Variants in ICA1L observed in about 807,000 individuals in gnomAD.
The protein encoded by ICA1L is islet cell autoantigen 1-like protein.
In ICA1L, 50 loss-of-function variants were observed where a neutral mutation model predicts 61.3. The observed-to-expected ratio is 0.82, with a 90% CI of 0.65 to 1.03. ICA1L has a LOEUF of 1.03. Among genes scored for constraint, ICA1L ranks in the 50% least tolerant of loss-of-function variants. ICA1L has a pLI of 0.00. For synonymous variants in ICA1L, 161 were observed against 191.3 expected, an observed-to-expected ratio of 0.84 and a Z score of 1.31; for missense variants, 508 against 556.7, an observed-to-expected ratio of 0.91 and a Z score of 0.88.
Position 202,815,971 on chromosome 2 carries a change from C to A in ICA1L, c.723G>T (p.Met241Ile), listed in dbSNP as rs1163420997. Reference sequence around the variant, plus strand: ...TACAGGCTTCATGAATTTGGGACATCATTCGAGCTGTTTTCTTCCAGAATC... The same window carrying A: ...TACAGGCTTCATGAATTTGGGACATAATTCGAGCTGTTTTCTTCCAGAATC... ...LLGFWKKTARMMSQIHEACIG... is the reference protein window; with the variant it reads ...LLGFWKKTARIMSQIHEACIG... The change falls in exon 7 of 13, where the codon ATG becomes ATT. Residue 241 changes from methionine (M) to isoleucine (I), a missense_variant. By Grantham distance (10) the Met-to-Ile change is conservative. Transcript: ENST00000358299. 6.2e-7 allele frequency: 1 copy of A among 1,604,832 alleles called. No individual in the cohort carries two copies. Among genetic ancestry groups the A allele is most frequent in the Admixed American group, 1.7e-5 (1 of 58,478 alleles).
chr2:202,845,515 T>C (rs1694442667), intron 1 of ICA1L, among the ~76,000 whole-genome samples: 1 of 151,540 alleles, frequency 6.6e-6, no homozygotes, highest in South Asian at 2.1e-4. Flanking sequence ...TAATCCCAGC[T>C]ACTTGGGAGG....
At chr2:202,831,803 T>A (rs1694020754) in intron 1 of ICA1L, among the ~76,000 whole-genome samples, 1 of 152,236 alleles carries the variant, frequency 6.6e-6, no homozygotes, top group Non-Finnish European at 1.5e-5. Flanking sequence ...GTGGTTTTTA[T>A]GACCAAGGGC....
chr2:202,790,842 CAGAA>C (rs913146597), intron 10 of ICA1L, among the ~76,000 whole-genome samples: 19 of 152,172 alleles, frequency 1.2e-4, no homozygotes, highest in African/African-American at 4.3e-4. Flanking sequence ...GGATGACACT[CAGAA>C]AGAAGTATGC....
chr2:202,818,184 C>T (rs1693592511), intron 5 of ICA1L, among the ~76,000 whole-genome samples: 1 of 152,090 alleles, frequency 6.6e-6, no homozygotes. Context: ...TATATAGTTG[C>T]AAAGGTAGCA....
At chr2:202,799,216 T>C (rs1693024594) in intron 9 of ICA1L, among the ~76,000 whole-genome samples, 2 of 152,216 alleles carry the variant, frequency 1.3e-5, no homozygotes, top group South Asian at 4.1e-4. Flanking sequence ...ATAGTGGCTA[T>C]ACTAGTTTAC....
chr2:202,850,147 G>A (rs745483012), intron 1 of ICA1L, among the ~76,000 whole-genome samples: 1 of 152,158 alleles, frequency 6.6e-6, no homozygotes, highest in Non-Finnish European at 1.5e-5. Context: ...AGGTCATCAA[G>A]CCTCAAAGAT....
In ICA1L at chr2:202,775,869, T is replaced by C. The variant is rs1249932789; in HGVS notation, c.*3664A>G. 6.6e-6 allele frequency: 1 copy of C among 152,198 alleles called. No individual in the cohort carries two copies. Among genetic ancestry groups the C allele is most frequent in the Admixed American group, 6.6e-5 (1 of 15,266 alleles). The allele number at this position is 152,198 out of a possible 1,614,324, so 9.4% of individuals were successfully genotyped here. ...TTATTTTCGTTCTCCCATGTCCGTA[T>C]CAACTCAATGTACTTTCCTAATACT... On this transcript the variant is annotated 3_prime_UTR_variant, in exon 13 of 13. Transcript: ENST00000358299.
intron 10 of ICA1L, among the ~76,000 whole-genome samples, chr2:202,790,283 C>T (rs1276120120): frequency 1.3e-5 from 2 of 152,136 alleles, no homozygotes; most frequent in Admixed American, 1.3e-4. Flanking sequence ...CATCACGGAC[C>T]TGCACCCCAG....
At chr2:202,869,350 C>G (rs1444388904) in intron 1 of ICA1L, among the ~76,000 whole-genome samples, 1 of 152,040 alleles carries the variant, frequency 6.6e-6, no homozygotes, top group Non-Finnish European at 1.5e-5. Flanking sequence ...GAGCGAGACT[C>G]TGTCTCAAAA....
chr2:202,815,970 T>C lies in ICA1L; in HGVS notation c.724A>G (p.Met242Val). The change falls in exon 7 of 13, where the codon ATG becomes GTG. Residue 242 changes from methionine (M) to valine (V), a missense_variant. By Grantham distance (21) the Met-to-Val change is conservative. Transcript: ENST00000358299. ...ATACAGGCTTCATGAATTTGGGACA[T>C]CATTCGAGCTGTTTTCTTCCAGAAT... ...LGFWKKTARM[M>V]SQIHEACIGF... The C allele has an allele frequency of 6.2e-7, 1 of 1,605,066 alleles. No individual in the cohort carries two copies.
At position 202,773,576 on chromosome 2, in the gene ICA1L, C is replaced by A; in HGVS notation, c.*5957G>T. On this transcript the variant is annotated 3_prime_UTR_variant, in exon 13 of 13. Coordinates refer to ENST00000358299, the MANE Select transcript of ICA1L (RefSeq NM_001288622.3). Reference sequence around the variant, plus strand: ...AAGAGTACAATAAAAGAAGCGTCTGCAACTTAAGCCGTCCACAGTCCTAAG... The same window carrying A: ...AAGAGTACAATAAAAGAAGCGTCTGAAACTTAAGCCGTCCACAGTCCTAAG... 1 of 460,652 alleles carries A rather than the reference C, an allele frequency of 2.2e-6. No homozygotes were observed. The allele number at this position is 460,652 out of a possible 1,614,324, so 28.5% of individuals were successfully genotyped here.
At chr2:202,821,985 A>G (rs1693716563) in intron 3 of ICA1L, among the ~76,000 whole-genome samples, 1 of 152,150 alleles carries the variant, frequency 6.6e-6, no homozygotes, top group African/African-American at 2.4e-5. Flanking sequence ...GTGCACTGCT[A>G]TTCAAAGTGT....
At chr2:202,814,997 A>G (rs1693492619) in intron 7 of ICA1L, among the ~76,000 whole-genome samples, 1 of 152,252 alleles carries the variant, frequency 6.6e-6, no homozygotes, top group African/African-American at 2.4e-5. Context: ...CAAACTGCAC[A>G]TATTGTGATG....
intron 1 of ICA1L, among the ~76,000 whole-genome samples, chr2:202,857,872 CTCA>C (rs1694809017): frequency 6.6e-6 from 1 of 152,146 alleles, no homozygotes; most frequent in African/African-American, 2.4e-5. Context: ...GGAAAAAAAA[CTCA>C]TCATCACTGG....
intron 1 of ICA1L, among the ~76,000 whole-genome samples, chr2:202,868,898 G>A (rs1282012829): frequency 6.6e-6 from 1 of 152,064 alleles, no homozygotes; most frequent in African/African-American, 2.4e-5. Flanking sequence ...AACCCAGGAG[G>A]CAGAGGTTGC....
At chr2:202,829,111 G>A (rs1693937738) in intron 1 of ICA1L, 95 bp from the exon 2 acceptor site, 2 of 989,460 alleles carry the variant, frequency 2.0e-6, no homozygotes, top group Non-Finnish European at 2.9e-6. Context: ...AACTTTGGGA[G>A]GCTGAGGCGA....
intron 1 of ICA1L, among the ~76,000 whole-genome samples, chr2:202,861,391 G>A (rs1278081969): frequency 9.2e-5 from 7 of 76,052 alleles, no homozygotes; most frequent in African/African-American, 1.6e-4. Flanking sequence ...GGTACACGGC[G>A]AGACTATCTC....
intron 9 of ICA1L, among the ~76,000 whole-genome samples, chr2:202,808,984 TA>T (rs1388305430): frequency 1.3e-5 from 2 of 151,986 alleles, no homozygotes; most frequent in Non-Finnish European, 2.9e-5. Flanking sequence ...GCCCAGACAT[TA>T]ACAAACATCC....
At position 202,779,144 on chromosome 2, in the gene ICA1L, AT is replaced by A. The variant is rs142725567; in HGVS notation, c.*388del. 0.027 allele frequency: 4,320 copies of A among 160,510 alleles called. 206 individuals are homozygous for A. The highest frequency in any genetic ancestry group is 0.096 in the African/African-American group (4,013 of 41,860). 9.9% of individuals were successfully genotyped at this position (160,510 alleles called of 1,614,324 possible). On this transcript the variant is annotated 3_prime_UTR_variant, in exon 13 of 13. Coordinates refer to ENST00000358299, the MANE Select transcript of ICA1L (RefSeq NM_001288622.3). ...TACATGCTATCTATCTATCTTTGTT[AT>A]CCACATATAAAATTCTCACAGCCAG...
Sources: allele counts gnomAD v4.1 joint callset (sites outside exome capture counted in the v4.1 genomes callset), GRCh38; gene constraint gnomAD v4.1.1; transcripts MANE v1.5; gene names NCBI Gene and HGNC (gene_info 2026-07-23, HGNC 2026-07-21).